MPDZ: variants seen among roughly 807,000 people sequenced by gnomAD.
MPDZ encodes the protein multiple PDZ domain protein.
A neutral mutation model predicts 239.1 loss-of-function variants in MPDZ; 234 were observed. That is an observed-to-expected ratio of 0.98 (90% confidence interval 0.88 to 1.09). The LOEUF is 1.09. Among genes scored for constraint, MPDZ ranks in the 50% least tolerant of loss-of-function variants. The pLI, the probability that MPDZ is intolerant of heterozygous loss-of-function variation, is 0.00. For synonymous variants in MPDZ, 1,048 were observed against 881.3 expected (o/e 1.19, Z -3.35); for missense variants, 3,175 against 2,510.0 (o/e 1.26, Z -5.66).
At chr9:13,190,362 C>G in intron 15 of MPDZ, 63 bp from the exon 16 acceptor site, 1 of 1,317,100 alleles carries the variant, frequency 7.6e-7, no homozygotes, top group Non-Finnish European at 9.8e-7. Context: ...CATACCAACA[C>G]TACAAGAAAA....
chr9:13,135,405 T>C (rs1039411542), intron 31 of MPDZ: 1 of 152,164 alleles, frequency 6.6e-6, no homozygotes, highest in African/African-American at 2.4e-5. Context: ...GATGTAACCA[T>C]TCCCTCTTCC....
chr9:13,248,976 C>CAAAAAAAAAAAAAAAAAAAAAAAA lies in MPDZ; in HGVS notation c.17-1199_17-1176dup, dbSNP rs71331534. Among the ~76,000 whole-genome samples, 7 of 35,820 alleles carry CAAAAAAAAAAAAAAAAAAAAAAAA rather than the reference C, an allele frequency of 2.0e-4. 1 individual carries two copies. The highest frequency in any genetic ancestry group is 3.1e-4 in the Non-Finnish European group (6 of 19,568). The allele number at this position is 35,820 out of a possible 152,430, so 23.5% of individuals were successfully genotyped here. A position where few individuals can be genotyped will look rare whatever the true frequency, so the allele number is the denominator to read the frequency against. ...CGACAGAGTGAGTGAGACTCCATCT[C>CAAAAAAAAAAAAAAAAAAAAAAAA]AAAAAAAAAAAAAAAAAAAAAAAAA... On this transcript the variant is annotated intron_variant, in intron 2 of 46. Transcript: ENST00000319217.
intron 1 of MPDZ, among the ~76,000 whole-genome samples, chr9:13,268,815 AAT>A (rs1259911132): frequency 6.6e-6 from 1 of 152,220 alleles, no homozygotes; most frequent in African/African-American, 2.4e-5. Flanking sequence ...CTAGGAAGGT[AAT>A]GTTTCCATGG....
intron 15 of MPDZ, among the ~76,000 whole-genome samples, chr9:13,191,292 A>G (rs568536093): frequency 6.6e-6 from 1 of 152,274 alleles, no homozygotes; most frequent in South Asian, 2.1e-4. Context: ...AAAATTTTCC[A>G]AATTATTCCA....
At chr9:13,259,963 A>G (rs922508413) in intron 1 of MPDZ, among the ~76,000 whole-genome samples, 1 of 151,650 alleles carries the variant, frequency 6.6e-6, no homozygotes, top group African/African-American at 2.4e-5. Context: ...CCTCCTGAGT[A>G]GCTGAGATTA....
intron 10 of MPDZ, among the ~76,000 whole-genome samples, chr9:13,216,182 T>G (rs1427825580): frequency 6.6e-6 from 1 of 151,686 alleles, no homozygotes; most frequent in Non-Finnish European, 1.5e-5. Context: ...CGGTATCAAC[T>G]GAACACTGAA....
Position 13,190,167 on chromosome 9 carries a change from T to C in MPDZ, c.2101A>G (p.Ile701Val), listed in dbSNP as rs369475175. Residue 701 changes from isoleucine to valine, a missense_variant, in exon 16 of 47, where the codon ATA becomes GTA. Coordinates refer to ENST00000319217, the MANE Select transcript of MPDZ (RefSeq NM_001378778.1). ...LAMWEAGIQHIELEKGSKGLG... is the reference protein window; with the variant it reads ...LAMWEAGIQHVELEKGSKGLG... ...CCTTTGCTCCCTTTCTCCAGCTCTA[T>C]GTGCTGAATGCCAGCCTCCCACATG... 1.4e-5 allele frequency: 23 copies of C among 1,613,216 alleles called. No individual in the cohort carries two copies. The highest frequency in any genetic ancestry group is 2.2e-5 in the East Asian group (1 of 44,764).
chr9:13,122,323 G>C (rs985814859), intron 36 of MPDZ, among the ~76,000 whole-genome samples, 153 bp from the exon 37 acceptor site: 1 of 152,086 alleles, frequency 6.6e-6, no homozygotes, highest in African/African-American at 2.4e-5. Flanking sequence ...TCAAGGGAAA[G>C]TGTAACAACA....
chr9:13,110,719 T>C lies in MPDZ; in HGVS notation c.5746A>G (p.Ile1916Val). The part of the protein sequence containing the change: ...KLRVGDRIVT[I>V]CGTSTEGMTH... ...ATGCCCTCAGTGGATGTGCCACAGA[T>C]GGTGACAATCCTATCCCCAACCTGC... is the stretch of plus-strand genomic sequence containing the variant. Residue 1916 changes from isoleucine to valine, a missense_variant, in exon 44 of 47, where the codon ATC becomes GTC. By Grantham distance (29) the Ile-to-Val change is conservative. Transcript: ENST00000319217. 6.2e-7 allele frequency: 1 copy of C among 1,613,448 alleles called. No individual in the cohort carries two copies. The highest frequency in any genetic ancestry group is 8.5e-7 in the Non-Finnish European group (1 of 1,179,668).
chr9:13,209,030 G>A (rs982266020), intron 10 of MPDZ, among the ~76,000 whole-genome samples: 3 of 152,112 alleles, frequency 2.0e-5, no homozygotes, highest in Admixed American at 6.6e-5. Flanking sequence ...AATGGTCTGC[G>A]CATGGCCAGA....
intron 3 of MPDZ, among the ~76,000 whole-genome samples, chr9:13,235,436 G>C (rs187278865): frequency 6.4e-4 from 98 of 152,276 alleles, no homozygotes; most frequent in Middle Eastern, 3.4e-3. Context: ...GATAGGGATA[G>C]TAATTAAAGT....
intron 10 of MPDZ, among the ~76,000 whole-genome samples, chr9:13,212,802 A>AG (rs1957790272): frequency 1.3e-5 from 2 of 150,772 alleles, no homozygotes; most frequent in South Asian, 4.2e-4. Context: ...AAAAAAAAAA[A>AG]AAAAAAAAAA....
At chr9:13,195,902 T>G (rs931440063) in intron 13 of MPDZ, among the ~76,000 whole-genome samples, 3 of 152,138 alleles carry the variant, frequency 2.0e-5, no homozygotes, top group African/African-American at 7.2e-5. Context: ...AAAATGCAAG[T>G]TTCAAAACTT....
chr9:13,144,063 T>G, intron 26 of MPDZ, among the ~76,000 whole-genome samples: 1 of 152,050 alleles, frequency 6.6e-6, no homozygotes, highest in East Asian at 1.9e-4. Context: ...GTAAGGAAAC[T>G]TTCCATATTT....
intron 3 of MPDZ, among the ~76,000 whole-genome samples, chr9:13,246,842 A>C (rs1180660309): frequency 1.3e-5 from 2 of 152,214 alleles, no homozygotes; most frequent in Non-Finnish European, 2.9e-5. Flanking sequence ...ATTAGAATGA[A>C]AACTAACTTG....
At chr9:13,156,621 G>A (rs1349572287) in intron 24 of MPDZ, among the ~76,000 whole-genome samples, 1 of 152,126 alleles carries the variant, frequency 6.6e-6, no homozygotes, top group East Asian at 1.9e-4. Context: ...CACAACATGT[G>A]GGAATTATGG....
intron 3 of MPDZ, among the ~76,000 whole-genome samples, chr9:13,234,664 C>A (rs111546340): frequency 6.6e-6 from 1 of 152,050 alleles, no homozygotes; most frequent in South Asian, 2.1e-4. Context: ...TTTTGCAACC[C>A]TAGTTTTGGT....
chr9:13,119,893 ATACACTGAGTAGAAGCGTGTAT>A, intron 38 of MPDZ: 1 of 502,148 alleles, frequency 2.0e-6, no homozygotes, highest in South Asian at 2.1e-5. Flanking sequence ...CATCATTTAT[ATACACTGAGTAGAAGCGTGTAT>A]TACCATTCTC....
intron 41 of MPDZ, 134 bp from the exon 42 acceptor site, chr9:13,113,188 A>G (rs1942790482): frequency 1.5e-6 from 1 of 686,116 alleles, no homozygotes; most frequent in Non-Finnish European, 2.5e-6. Context: ...CAAAGCTGCT[A>G]GTACACATGA....
Sources: gnomAD v4.1 joint callset for allele counts (sites outside exome capture counted in the v4.1 genomes callset) on GRCh38, gnomAD v4.1.1 for gene constraint, MANE v1.5 for transcripts, NCBI Gene and HGNC (gene_info 2026-07-23, HGNC 2026-07-21) for gene names.